The following SH3RF3 variants were observed in gnomAD, a reference collection of about 807,000 sequenced individuals.
SH3RF3 encodes the protein SH3 domain containing ring finger 3.
A neutral mutation model predicts 66.3 loss-of-function variants in SH3RF3; 29 were observed. The ratio of observed to expected loss-of-function variants is 0.44; its 90% CI spans 0.33 to 0.60. The LOEUF (loss-of-function observed/expected upper bound fraction) is 0.60. SH3RF3 is among the 20% of genes least tolerant of loss of function. The pLI is 0.04. For missense variants in SH3RF3, 1,194 were observed against 1,190.9 expected (o/e 1.00, Z -0.04); for synonymous variants, 583 against 532.0 (o/e 1.10, Z -1.32).
chr2:109,259,577 A>G (rs577857375), intron 1 of SH3RF3, among the ~76,000 whole-genome samples: 9 of 152,320 alleles, frequency 5.9e-5, no homozygotes, highest in South Asian at 2.1e-4. Context: ...TTCTTCCACA[A>G]TGCCCTGGAG....
At chr2:109,201,682 G>A (rs1485879812) in intron 1 of SH3RF3, among the ~76,000 whole-genome samples, 3 of 152,198 alleles carry the variant, frequency 2.0e-5, no homozygotes, top group South Asian at 2.1e-4. Context: ...TCTCCAGCCC[G>A]TCAGCAGCAT....
intron 1 of SH3RF3, among the ~76,000 whole-genome samples, chr2:109,341,364 G>A (rs1416941405): frequency 6.6e-6 from 1 of 152,236 alleles, no homozygotes. Context: ...TTAAAATAAG[G>A]TAAGGCCAAG....
rs1359146293 is a variant in SH3RF3 at position 109,503,624 on chromosome 2, G to GTTTAAA, written c.*1956_*1961dup. 1 of 152,216 alleles carries GTTTAAA rather than the reference G, an allele frequency of 6.6e-6. No individual in the cohort carries two copies. Among genetic ancestry groups the GTTTAAA allele is most frequent in the African/African-American group, 2.4e-5 (1 of 41,448 alleles). The allele number at this position is 152,216 out of a possible 1,614,324, so 9.4% of individuals were successfully genotyped here. On this transcript the variant is annotated 3_prime_UTR_variant, in exon 10 of 10. Coordinates refer to ENST00000309415, the MANE Select transcript of SH3RF3 (RefSeq NM_001099289.3). ...CATCCTGCACCAAAATCCTGTGCGT[G>GTTTAAA]TTTAAATTCACGTTGTCACCAAAGA...
At chr2:109,195,281 G>A (rs1316575620) in intron 1 of SH3RF3, among the ~76,000 whole-genome samples, 1 of 152,174 alleles carries the variant, frequency 6.6e-6, no homozygotes, top group African/African-American at 2.4e-5. Flanking sequence ...TAACAGGAGG[G>A]TCCCATAGCT....
chr2:109,369,845 C>A (rs1398722862), intron 2 of SH3RF3, among the ~76,000 whole-genome samples: 1 of 152,220 alleles, frequency 6.6e-6, no homozygotes, highest in East Asian at 1.9e-4. Context: ...CCCCACCAGC[C>A]TAAAACATCT....
intron 1 of SH3RF3, among the ~76,000 whole-genome samples, chr2:109,218,320 T>C (rs533830887): frequency 6.6e-6 from 1 of 152,306 alleles, no homozygotes; most frequent in South Asian, 2.1e-4. Flanking sequence ...GAGGAAGGTG[T>C]GGATTTCTTC....
intron 2 of SH3RF3, among the ~76,000 whole-genome samples, chr2:109,359,336 T>C (rs181262732): frequency 3.3e-5 from 5 of 152,358 alleles, no homozygotes; most frequent in African/African-American, 1.2e-4. Flanking sequence ...ATTGAGATTG[T>C]GTTAAATCTA....
chr2:109,455,390 T>A (rs1678022013), intron 8 of SH3RF3, among the ~76,000 whole-genome samples: 1 of 152,134 alleles, frequency 6.6e-6, no homozygotes, highest in African/African-American at 2.4e-5. Context: ...GCAAACCCAA[T>A]TTGGTCTGAA....
Position 109,173,303 on chromosome 2 carries a change from C to G in SH3RF3, c.573+43190C>G, listed in dbSNP as rs574339241. ...TGAGAGGCTCCTGAGCCTGCACTTG[C>G]GTTTTCTCCTCAGACTCTCCTTCCT... On this transcript the variant is annotated intron_variant, in intron 1 of 9. Transcript: ENST00000309415. 2.1e-4 allele frequency among the ~76,000 whole-genome samples: 32 copies of G among 152,230 alleles called. No individual in the cohort carries two copies. The Middle Eastern group carries it at 0.014, about 65-fold the overall frequency.
At chr2:109,370,439 C>CAT (rs1175540450) in intron 2 of SH3RF3, among the ~76,000 whole-genome samples, 1 of 151,990 alleles carries the variant, frequency 6.6e-6, no homozygotes, top group Non-Finnish European at 1.5e-5. Flanking sequence ...TGAGTTTCAC[C>CAT]ATATTGGTCA....
chr2:109,369,917 GAGGCTCCTTGGAA>G (rs1240611240), intron 2 of SH3RF3, among the ~76,000 whole-genome samples: 1 of 152,220 alleles, frequency 6.6e-6, no homozygotes, highest in African/African-American at 2.4e-5. Flanking sequence ...TACAGCATCA[GAGGCTCCTTGGAA>G]AGGCGGGTGG....
chr2:109,292,748 T>C (rs1681217524), intron 1 of SH3RF3, among the ~76,000 whole-genome samples: 1 of 152,208 alleles, frequency 6.6e-6, no homozygotes. Context: ...TTTTATTTTT[T>C]TGAGATGGAG....
At chr2:109,422,962 G>A (rs987140139) in intron 5 of SH3RF3, among the ~76,000 whole-genome samples, 7 of 152,146 alleles carry the variant, frequency 4.6e-5, no homozygotes, top group African/African-American at 1.7e-4. Context: ...ACACGCCTGG[G>A]TCTGACTCGG....
At chr2:109,494,820 A>T (rs150169471) in intron 9 of SH3RF3, among the ~76,000 whole-genome samples, 32 of 152,204 alleles carry the variant, frequency 2.1e-4, no homozygotes, top group Middle Eastern at 3.4e-3. Context: ...ACTCCTCCAG[A>T]TCTCAACCAT....
intron 1 of SH3RF3, among the ~76,000 whole-genome samples, chr2:109,299,658 A>G (rs1047412965): frequency 4.6e-5 from 7 of 152,142 alleles, no homozygotes; most frequent in African/African-American, 1.7e-4. Context: ...TTTGCCCTGT[A>G]CTTGCCGAAC....
rs1490573823 is a variant in SH3RF3 at position 109,130,330 on chromosome 2, A to G, written c.573+217A>G. Reference sequence around the variant, plus strand: ...TCACGTGTGTCCCATCCTCCTGTGGAGTGGGCACGCCTTCCTGTCCCGTCG... The same window carrying G: ...TCACGTGTGTCCCATCCTCCTGTGGGGTGGGCACGCCTTCCTGTCCCGTCG... On this transcript the variant is annotated intron_variant, in intron 1 of 9. Coordinates refer to ENST00000309415, the MANE Select transcript of SH3RF3 (RefSeq NM_001099289.3). Among the ~76,000 whole-genome samples the G allele has an allele frequency of 5.3e-5, 8 of 152,188 alleles. No individual in the cohort carries two copies. In the East Asian group the frequency reaches 1.4e-3, roughly 26 times the overall value.
At chr2:109,492,547 A>G (rs150431707) in intron 9 of SH3RF3, among the ~76,000 whole-genome samples, 134 of 152,274 alleles carry the variant, frequency 8.8e-4, no homozygotes, top group African/African-American at 2.9e-3. Context: ...CCTGCCTTCT[A>G]TGTTTCCCCA....
At chr2:109,266,857 T>G (rs1680508686) in intron 1 of SH3RF3, among the ~76,000 whole-genome samples, 1 of 152,162 alleles carries the variant, frequency 6.6e-6, no homozygotes, top group Admixed American at 6.5e-5. Context: ...TATTCAGAGC[T>G]GGAGACCACT....
intron 3 of SH3RF3, among the ~76,000 whole-genome samples, chr2:109,374,738 C>T (rs1413327814): frequency 1.3e-5 from 2 of 152,212 alleles, no homozygotes; most frequent in African/African-American, 2.4e-5. Flanking sequence ...CCTCCACAGC[C>T]GCTCCAGCCG....
Sources: allele counts gnomAD v4.1 joint callset (sites outside exome capture counted in the v4.1 genomes callset), GRCh38; gene constraint gnomAD v4.1.1; transcripts MANE v1.5; gene names NCBI Gene and HGNC (gene_info 2026-07-23, HGNC 2026-07-21).